CCSER1: variants seen among roughly 807,000 people sequenced by gnomAD.
CCSER1 encodes coiled-coil serine rich protein 1.
CCSER1 carries 41 observed loss-of-function variants against 82.0 expected under a neutral mutation model. The ratio of observed to expected loss-of-function variants is 0.50; its 90% CI spans 0.39 to 0.65. CCSER1 has a LOEUF of 0.65. CCSER1 is among the 30% of genes least tolerant of loss of function. The probability of loss-of-function intolerance (pLI) is 0.00; values close to 1 mark genes in which losing one functional copy is unlikely to be tolerated. For synonymous variants in CCSER1, 414 were observed against 383.9 expected (o/e 1.08, Z -0.92); for missense variants, 1,119 against 1,064.2 (o/e 1.05, Z -0.72).
chr4:90,141,480 T>G (rs1371246796), intron 1 of CCSER1, among the ~76,000 whole-genome samples: 1 of 152,248 alleles, frequency 6.6e-6, no homozygotes, highest in African/African-American at 2.4e-5. Context: ...TGGTCAGAGA[T>G]ATTTTAGCAT....
At chr4:90,506,564 A>G (rs769179383) in intron 5 of CCSER1, among the ~76,000 whole-genome samples, 33 of 152,176 alleles carry the variant, frequency 2.2e-4, no homozygotes, top group Non-Finnish European at 4.7e-4. Flanking sequence ...GGAGTTCGAG[A>G]CCAGCCTAGG....
In CCSER1 at chr4:91,296,848, A is replaced by G. The variant is rs1002051971; in HGVS notation, c.2217+210854A>G. 3.3e-5 allele frequency among the ~76,000 whole-genome samples: 5 copies of G among 151,682 alleles called. No individual in the cohort carries two copies. The Admixed American group carries it at 3.3e-4, about 10-fold the overall frequency. On this transcript the variant is annotated intron_variant, in intron 10 of 10. Coordinates refer to ENST00000509176, the MANE Select transcript of CCSER1 (RefSeq NM_001145065.2). ...AAATAATGACACAGTATGCAAGTTTATTTACTGCACCCATCTTTTTTACTT... is the reference window on the plus strand; with the variant it reads ...AAATAATGACACAGTATGCAAGTTTGTTTACTGCACCCATCTTTTTTACTT...
intron 10 of CCSER1, among the ~76,000 whole-genome samples, chr4:91,113,153 G>A (rs1726229571): frequency 6.6e-6 from 1 of 152,160 alleles, no homozygotes; most frequent in African/African-American, 2.4e-5. Flanking sequence ...GGTAGGGATT[G>A]TGTCTTTTAT....
chr4:91,010,293 T>A (rs1207481196), intron 9 of CCSER1, among the ~76,000 whole-genome samples: 1 of 152,206 alleles, frequency 6.6e-6, no homozygotes, highest in Non-Finnish European at 1.5e-5. Flanking sequence ...TGATGGAGAT[T>A]ACCTTATGCA....
chr4:90,788,339 CA>C (rs907854847), intron 7 of CCSER1, among the ~76,000 whole-genome samples: 4 of 151,860 alleles, frequency 2.6e-5, no homozygotes, highest in African/African-American at 9.7e-5. Context: ...CTAAGGCTGT[CA>C]AAAAAAGTAC....
At chr4:91,262,576 A>G (rs1741272493) in intron 10 of CCSER1, among the ~76,000 whole-genome samples, 1 of 152,054 alleles carries the variant, frequency 6.6e-6, no homozygotes, top group African/African-American at 2.4e-5. Context: ...TAGCTTTATA[A>G]CTTTCCTCAA....
At chr4:90,509,060 A>G (rs1489200306) in intron 5 of CCSER1, among the ~76,000 whole-genome samples, 2 of 152,102 alleles carry the variant, frequency 1.3e-5, no homozygotes, top group African/African-American at 4.8e-5. Context: ...AATAAATTAA[A>G]AGATTCAGTC....
chr4:91,012,660 G>A (rs1739091710), intron 9 of CCSER1, among the ~76,000 whole-genome samples: 1 of 105,272 alleles, frequency 9.5e-6, no homozygotes, highest in Non-Finnish European at 2.5e-5. Context: ...GGGTACAAAG[G>A]CCATACACTG....
chr4:91,573,298 G>GATAAGAC (rs1219463488), intron 10 of CCSER1, among the ~76,000 whole-genome samples: 3 of 152,200 alleles, frequency 2.0e-5, no homozygotes, highest in African/African-American at 7.2e-5. Context: ...GGAATTCTAA[G>GATAAGAC]TCAGTGGGTC....
intron 10 of CCSER1, among the ~76,000 whole-genome samples, chr4:91,167,641 C>T (rs1235558909): frequency 6.6e-6 from 1 of 152,222 alleles, no homozygotes; most frequent in South Asian, 2.1e-4. Flanking sequence ...TTCAATTATG[C>T]AACTGTTTGC....
intron 1 of CCSER1, among the ~76,000 whole-genome samples, chr4:90,176,561 A>G (rs753634872): frequency 5.3e-5 from 8 of 152,002 alleles, no homozygotes; most frequent in Non-Finnish European, 8.8e-5. Context: ...CCTATGAGGG[A>G]TATTTTTGGA....
intron 4 of CCSER1, among the ~76,000 whole-genome samples, chr4:90,455,504 T>C (rs1332833889): frequency 6.6e-6 from 1 of 152,182 alleles, no homozygotes; most frequent in African/African-American, 2.4e-5. Context: ...TTGAAGATGG[T>C]TGGTTACCCA....
At chr4:90,506,642 G>C (rs772486933) in intron 5 of CCSER1, among the ~76,000 whole-genome samples, 5 of 152,014 alleles carry the variant, frequency 3.3e-5, no homozygotes, top group Non-Finnish European at 7.4e-5. Context: ...GTGTGTGCCT[G>C]TAGTCCCAGC....
intron 1 of CCSER1, among the ~76,000 whole-genome samples, chr4:90,164,995 A>C (rs1406074488): frequency 6.6e-6 from 1 of 152,108 alleles, no homozygotes; most frequent in Non-Finnish European, 1.5e-5. Context: ...AAAGACATAT[A>C]GATATTTCAT....
chr4:91,367,859 T>C (rs554793215), intron 10 of CCSER1, among the ~76,000 whole-genome samples: 12 of 152,308 alleles, frequency 7.9e-5, no homozygotes, highest in Admixed American at 2.0e-4. Context: ...GATTATTTTA[T>C]GAGTAGCTCT....
intron 10 of CCSER1, among the ~76,000 whole-genome samples, chr4:91,392,673 T>C (rs1223065522): frequency 6.6e-6 from 1 of 152,126 alleles, no homozygotes; most frequent in East Asian, 1.9e-4. Flanking sequence ...GCACATTTTT[T>C]GAATAGTAGT....
intron 10 of CCSER1, among the ~76,000 whole-genome samples, chr4:91,360,260 A>T (rs991921631): frequency 6.6e-6 from 1 of 151,764 alleles, no homozygotes; most frequent in Non-Finnish European, 1.5e-5. Context: ...TTTCTTCCAG[A>T]TTTGTTCTGG....
At chr4:90,635,084 A>G (rs1440654104) in intron 6 of CCSER1, among the ~76,000 whole-genome samples, 2 of 151,812 alleles carry the variant, frequency 1.3e-5, no homozygotes, top group African/African-American at 2.4e-5. Context: ...TGACAGAACT[A>G]AGTGAAGAAA....
At chr4:91,102,049 G>A (rs1725121323) in intron 10 of CCSER1, among the ~76,000 whole-genome samples, 2 of 152,138 alleles carry the variant, frequency 1.3e-5, no homozygotes, top group Non-Finnish European at 2.9e-5. Flanking sequence ...AGACTTATGA[G>A]GCCTCAGAGA....
Sources: allele counts gnomAD v4.1 joint callset (sites outside exome capture counted in the v4.1 genomes callset), GRCh38; gene constraint gnomAD v4.1.1; transcripts MANE v1.5; gene names NCBI Gene and HGNC (gene_info 2026-07-23, HGNC 2026-07-21).